The following MARCHF1 variants were observed in gnomAD, a reference collection of about 807,000 sequenced individuals.
MARCHF1 encodes the protein E3 ubiquitin-protein ligase MARCHF1.
MARCHF1 carries 40 observed loss-of-function variants against 54.2 expected under a neutral mutation model. The observed-to-expected ratio is 0.74, with a 90% confidence interval of 0.57 to 0.96. The LOEUF is 0.96. Ranked by LOEUF, MARCHF1 falls within the 40% of genes least tolerant of loss-of-function variation. The pLI is 0.00. For synonymous variants in MARCHF1, 236 were observed against 236.3 expected (o/e 1.00, Z 0.01); for missense variants, 586 against 656.5 (o/e 0.89, Z 1.17).
intron 1 of MARCHF1, among the ~76,000 whole-genome samples, chr4:164,182,048 T>A (rs1730846565): frequency 6.6e-6 from 1 of 152,108 alleles, no homozygotes; most frequent in Non-Finnish European, 1.5e-5. Flanking sequence ...CTCTTCTTTT[T>A]CTCTGAAATT....
chr4:163,847,142 A>G (rs1318117914), intron 4 of MARCHF1, among the ~76,000 whole-genome samples: 4 of 152,206 alleles, frequency 2.6e-5, no homozygotes, highest in Non-Finnish European at 5.9e-5. Flanking sequence ...GGTGATAATG[A>G]TAAGATTCCT....
At chr4:163,985,919 A>G (rs921050078) in intron 3 of MARCHF1, among the ~76,000 whole-genome samples, 4 of 152,294 alleles carry the variant, frequency 2.6e-5, no homozygotes, top group Admixed American at 1.3e-4. Flanking sequence ...TTTAGAAAGC[A>G]TCGCCACTTG....
At chr4:164,347,641 T>A (rs1338559629) in intron 1 of MARCHF1, among the ~76,000 whole-genome samples, 1 of 152,186 alleles carries the variant, frequency 6.6e-6, no homozygotes, top group Non-Finnish European at 1.5e-5. Flanking sequence ...ACATTCCTAA[T>A]CTTAGTTCTC....
At chr4:164,097,395 T>C (rs566057786) in intron 2 of MARCHF1, among the ~76,000 whole-genome samples, 30 of 152,180 alleles carry the variant, frequency 2.0e-4, no homozygotes, top group Non-Finnish European at 4.0e-4. Flanking sequence ...ATTAGCGATA[T>C]CTTTGAAATT....
chr4:163,970,591 C>T (rs1752528725), intron 3 of MARCHF1, among the ~76,000 whole-genome samples: 2 of 152,142 alleles, frequency 1.3e-5, no homozygotes, highest in Non-Finnish European at 2.9e-5. Flanking sequence ...AAGAACAATG[C>T]ACTAGAAATA....
At chr4:164,111,796 T>C (rs1198169681) in intron 1 of MARCHF1, 134 bp from the exon 2 acceptor site, 2 of 151,826 alleles carry the variant, frequency 1.3e-5, no homozygotes, top group Admixed American at 6.6e-5. Flanking sequence ...TAAAATATAA[T>C]ACTGTTCTTA....
chr4:164,380,274 A>C (rs1731329015), intron 1 of MARCHF1, among the ~76,000 whole-genome samples: 1 of 151,534 alleles, frequency 6.6e-6, no homozygotes, highest in Admixed American at 6.6e-5. Context: ...AACTGAAACT[A>C]ATTAGAAATT....
intron 1 of MARCHF1, among the ~76,000 whole-genome samples, chr4:164,316,864 C>T (rs1167851619): frequency 6.6e-6 from 1 of 152,122 alleles, no homozygotes. Context: ...TTCCCCTTTG[C>T]TCTCTTCCTC....
intron 4 of MARCHF1, among the ~76,000 whole-genome samples, chr4:163,833,278 C>T (rs1749082732): frequency 6.6e-6 from 1 of 152,092 alleles, no homozygotes; most frequent in Admixed American, 6.6e-5. Context: ...TTAATGATCG[C>T]CAAAATACCA....
chr4:164,120,787 G>A (rs1023949288), intron 1 of MARCHF1, among the ~76,000 whole-genome samples: 1 of 152,056 alleles, frequency 6.6e-6, no homozygotes, highest in African/African-American at 2.4e-5. Context: ...TAAAACAAGT[G>A]ATGATGAAAA....
chr4:163,552,440 T>C (rs1169288262), intron 8 of MARCHF1, among the ~76,000 whole-genome samples: 1 of 152,216 alleles, frequency 6.6e-6, no homozygotes, highest in East Asian at 1.9e-4. Context: ...CTGCAAGTAA[T>C]TGGCAGTCTT....
chr4:164,253,712 G>T (rs1733189193), intron 1 of MARCHF1, among the ~76,000 whole-genome samples: 1 of 152,056 alleles, frequency 6.6e-6, no homozygotes, highest in Non-Finnish European at 1.5e-5. Context: ...ACATTCACAT[G>T]AAAATATATA....
chr4:164,101,212 G>C (rs1341408370), intron 2 of MARCHF1, among the ~76,000 whole-genome samples: 2 of 152,216 alleles, frequency 1.3e-5, no homozygotes, highest in African/African-American at 4.8e-5. Context: ...GCCCAGGCTT[G>C]ATTAGGTAAA....
intron 2 of MARCHF1, among the ~76,000 whole-genome samples, chr4:164,058,020 G>A (rs1754532198): frequency 6.6e-6 from 1 of 152,078 alleles, no homozygotes; most frequent in Non-Finnish European, 1.5e-5. Flanking sequence ...ACCATCACAA[G>A]ATCAGAAAAC....
intron 3 of MARCHF1, among the ~76,000 whole-genome samples, chr4:163,977,054 T>TA: frequency 6.6e-6 from 1 of 152,102 alleles, no homozygotes; most frequent in South Asian, 2.1e-4. Flanking sequence ...AGTTGTGAGT[T>TA]ATGATGAAAA....
chr4:164,300,157 TCCTC>T (rs139915319), intron 1 of MARCHF1, among the ~76,000 whole-genome samples: 1,893 of 152,194 alleles, frequency 0.012, 43 homozygotes, highest in African/African-American at 0.043. Flanking sequence ...TTCCTCTCCT[TCCTC>T]CCTACTTCCA....
intron 2 of MARCHF1, among the ~76,000 whole-genome samples, chr4:164,040,019 A>C (rs1320994666): frequency 6.8e-6 from 1 of 147,068 alleles, no homozygotes; most frequent in African/African-American, 2.5e-5. Context: ...ATATATATAC[A>C]AGTATAATTT....
intron 2 of MARCHF1, among the ~76,000 whole-genome samples, chr4:164,043,212 A>G (rs912056818): frequency 2.6e-5 from 4 of 152,176 alleles, no homozygotes; most frequent in African/African-American, 7.2e-5. Context: ...TTTCCCCTCC[A>G]TCTGCCATAG....
chr4:163,737,964 G>GGCTATTCTCA, intron 4 of MARCHF1, among the ~76,000 whole-genome samples: 1 of 76,494 alleles, frequency 1.3e-5, no homozygotes, highest in Admixed American at 1.3e-4. Flanking sequence ...GCACACGTAT[G>GGCTATTCTCA]TTTATTGCGG....
Sources: gnomAD v4.1 joint callset for allele counts (sites outside exome capture counted in the v4.1 genomes callset) on GRCh38, gnomAD v4.1.1 for gene constraint, MANE v1.5 for transcripts, NCBI Gene and HGNC (gene_info 2026-07-23, HGNC 2026-07-21) for gene names.